Variants in CYTH1 observed in about 807,000 individuals in gnomAD.
CYTH1 encodes cytohesin 1, also known as cytohesin-1.
CYTH1 carries 18 observed loss-of-function variants against 61.8 expected under a neutral mutation model. The ratio of observed to expected loss-of-function variants is 0.29; its 90% CI spans 0.20 to 0.43. The LOEUF (loss-of-function observed/expected upper bound fraction) is 0.43. Among genes scored for constraint, CYTH1 ranks in the 20% least tolerant of loss-of-function variants. The pLI, the probability that CYTH1 is intolerant of heterozygous loss-of-function variation, is 1.00. For synonymous variants in CYTH1, 174 were observed against 184.3 expected (o/e 0.94, Z 0.45); for missense variants, 336 against 510.5 (o/e 0.66, Z 3.29).
At chr17:78,709,794 C>T in intron 1 of CYTH1, 62 bp from the exon 2 acceptor site, 2 of 1,473,388 alleles carry the variant, frequency 1.4e-6, no homozygotes, top group South Asian at 2.3e-5. Context: ...CAAGGAAGAT[C>T]CAGAGGCCAC....
intron 1 of CYTH1, among the ~76,000 whole-genome samples, chr17:78,739,425 C>T (rs1473176781): frequency 1.3e-5 from 2 of 152,120 alleles, no homozygotes; most frequent in Non-Finnish European, 2.9e-5. Flanking sequence ...AAAATAAGTA[C>T]TGTGGAGTGG....
rs139694944 is a variant in CYTH1 at position 78,736,332 on chromosome 17, C to T, written c.23-26600G>A. Among the ~76,000 whole-genome samples the T allele has an allele frequency of 1.1e-3, 167 of 152,172 alleles. 1 individual carries two copies. Among genetic ancestry groups the T allele is most frequent in the African/African-American group, 3.8e-3 (157 of 41,526 alleles). On this transcript the variant is annotated intron_variant, in intron 1 of 13. Coordinates refer to ENST00000446868, the MANE Select transcript of CYTH1 (RefSeq NM_004762.6). ...AGAAACACCCAAGGCGGAACTCTAA[C>T]GAAAGCAAAGATTGGAGGAGAACTT... is the stretch of plus-strand genomic sequence containing the variant.
At chr17:78,733,640 C>T (rs562317214) in intron 1 of CYTH1, among the ~76,000 whole-genome samples, 9 of 152,352 alleles carry the variant, frequency 5.9e-5, no homozygotes, top group East Asian at 5.8e-4. Context: ...CCGGCCACAG[C>T]GGCCAAGTGC....
chr17:78,709,600 A>T (rs759989599), intron 2 of CYTH1, 50 bp downstream of exon 2: 47 of 1,593,764 alleles, frequency 2.9e-5, no homozygotes, highest in Admixed American at 2.2e-4. Flanking sequence ...TACAAATGGA[A>T]CTGTCACTGT....
At chr17:78,693,892 T>C (rs1457451560) in intron 10 of CYTH1, among the ~76,000 whole-genome samples, 3 of 152,204 alleles carry the variant, frequency 2.0e-5, no homozygotes, top group Non-Finnish European at 4.4e-5. Flanking sequence ...TGCCTGCTCT[T>C]TTGCTAAGAC....
At chr17:78,718,553 T>C (rs1413569782) in intron 1 of CYTH1, among the ~76,000 whole-genome samples, 3 of 152,178 alleles carry the variant, frequency 2.0e-5, no homozygotes, top group Non-Finnish European at 2.9e-5. Context: ...CCTGTGTCAA[T>C]CCTACTAGTC....
chr17:78,702,044 A>C, intron 5 of CYTH1, 78 bp downstream of exon 5: 3 of 1,215,662 alleles, frequency 2.5e-6, no homozygotes, highest in Non-Finnish European at 2.4e-6. Flanking sequence ...CAAGAACTTC[A>C]GAGTATTTGG....
intron 1 of CYTH1, among the ~76,000 whole-genome samples, chr17:78,731,973 G>C (rs886513982): frequency 2.0e-5 from 3 of 152,128 alleles, no homozygotes; most frequent in Non-Finnish European, 4.4e-5. Flanking sequence ...CTGCATGCAG[G>C]TTCTGTCAGC....
chr17:78,755,731 C>G (rs1483419690), intron 1 of CYTH1, among the ~76,000 whole-genome samples: 1 of 151,642 alleles, frequency 6.6e-6, no homozygotes, highest in Non-Finnish European at 1.5e-5. Flanking sequence ...CCCAGAAGCT[C>G]AAGACCAGTC....
At chr17:78,735,456 C>T (rs1034105277) in intron 1 of CYTH1, among the ~76,000 whole-genome samples, 2 of 152,216 alleles carry the variant, frequency 1.3e-5, no homozygotes, top group Non-Finnish European at 2.9e-5. Context: ...GTGGACTCAC[C>T]TTTCAGTTAG....
chr17:78,765,564 G>C (rs1022869113), intron 1 of CYTH1, among the ~76,000 whole-genome samples: 10 of 152,146 alleles, frequency 6.6e-5, no homozygotes, highest in African/African-American at 2.2e-4. Flanking sequence ...AGAAGTCCAA[G>C]AGGGTTTCAA....
chr17:78,774,574 T>C (rs1889031115), intron 1 of CYTH1, among the ~76,000 whole-genome samples: 1 of 152,174 alleles, frequency 6.6e-6, no homozygotes, highest in African/African-American at 2.4e-5. Flanking sequence ...GAGCTGCCTC[T>C]GTAGGGCCCC....
At chr17:78,752,722 C>A (rs1598909651) in intron 1 of CYTH1, among the ~76,000 whole-genome samples, 1 of 152,182 alleles carries the variant, frequency 6.6e-6, no homozygotes, top group East Asian at 1.9e-4. Flanking sequence ...AGCCACTGCA[C>A]CTGGCCAAGA....
rs1465505003 is a variant in CYTH1 at position 78,700,652 on chromosome 17, T to G, written c.438-209A>C. On this transcript the variant is annotated intron_variant, in intron 6 of 13. Transcript: ENST00000446868. The surrounding 1 kb of genome is among the most constrained non-coding windows in gnomAD (Gnocchi z 5.1). ...CAATCTTCTGCCTCAGCCTCCCGAGTAGCCGGGACTACAGGCACACGCCAC... is the reference window on the plus strand; with the variant it reads ...CAATCTTCTGCCTCAGCCTCCCGAGGAGCCGGGACTACAGGCACACGCCAC... Among the ~76,000 whole-genome samples the G allele has an allele frequency of 6.6e-6, 1 of 151,920 alleles. No homozygotes were observed. Among genetic ancestry groups the G allele is most frequent in the East Asian group, 1.9e-4 (1 of 5,168 alleles).
intron 1 of CYTH1, among the ~76,000 whole-genome samples, chr17:78,750,931 T>G (rs970057431): frequency 3.9e-5 from 6 of 152,186 alleles, no homozygotes; most frequent in Non-Finnish European, 8.8e-5. Flanking sequence ...GAACAATACA[T>G]AACCTTGTTT....
intron 1 of CYTH1, among the ~76,000 whole-genome samples, chr17:78,721,872 C>T (rs1209741574): frequency 1.3e-5 from 2 of 152,092 alleles, no homozygotes; most frequent in Non-Finnish European, 2.9e-5. Context: ...GGTGAAAAAC[C>T]CCATCTCTAC....
intron 1 of CYTH1, among the ~76,000 whole-genome samples, chr17:78,724,359 A>AT (rs775026244): frequency 3.3e-5 from 5 of 152,196 alleles, no homozygotes; most frequent in Admixed American, 6.5e-5. Flanking sequence ...GGGAGGAGAT[A>AT]TTTTTTAAAC....
chr17:78,692,411 G>A lies in CYTH1; in HGVS notation c.891+6C>T. The A allele has an allele frequency of 1.2e-6, 2 of 1,614,050 alleles. No homozygotes were observed. Among genetic ancestry groups the A allele is most frequent in the Non-Finnish European group, 1.7e-6 (2 of 1,179,944 alleles). ...CTAGTCTGGAGGCCGACTAGCAGGT[G>A]CTCACCGTGGTATACTCAAAGTAGT... On this transcript the variant is annotated splice_donor_region_variant and intron_variant, in intron 11 of 13. Transcript: ENST00000446868.
intron 5 of CYTH1, 110 bp downstream of exon 5, chr17:78,702,012 T>C (rs923569804): frequency 2.1e-6 from 2 of 943,576 alleles, no homozygotes; most frequent in East Asian, 4.8e-5. Flanking sequence ...GGGCTACAGA[T>C]GCTTTAAGGC....
Sources: gnomAD v4.1 joint callset for allele counts (sites outside exome capture counted in the v4.1 genomes callset) on GRCh38, gnomAD v4.1.1 for gene constraint, Gnocchi (gnomAD v3.1) non-coding constraint, MANE v1.5 for transcripts, NCBI Gene and HGNC (gene_info 2026-07-23, HGNC 2026-07-21) for gene names.